Variants in TXNDC11 observed in about 807,000 individuals in gnomAD.
TXNDC11 encodes thioredoxin domain-containing protein 11.
A neutral mutation model predicts 78.0 loss-of-function variants in TXNDC11; 68 were observed. That is an observed-to-expected ratio of 0.87 (90% CI 0.72 to 1.07). The LOEUF (loss-of-function observed/expected upper bound fraction) is 1.07, where lower values mean the gene tolerates loss of function less well. Ranked by LOEUF, TXNDC11 falls within the 50% of genes least tolerant of loss-of-function variation. The probability of loss-of-function intolerance (pLI) is 0.00; values close to 1 mark genes in which losing one functional copy is unlikely to be tolerated. For missense variants in TXNDC11, 1,389 were observed against 1,221.8 expected (o/e 1.14, Z -2.04); for synonymous variants, 571 against 495.2 (o/e 1.15, Z -2.03).
chr16:11,683,823 C>G (rs1388458506), intron 11 of TXNDC11, among the ~76,000 whole-genome samples: 1 of 145,168 alleles, frequency 6.9e-6, no homozygotes, highest in Non-Finnish European at 1.5e-5. Context: ...GTGATCTTGG[C>G]TCACTGCAAC....
chr16:11,706,654 C>T (rs961129810), intron 5 of TXNDC11, among the ~76,000 whole-genome samples: 1 of 152,118 alleles, frequency 6.6e-6, no homozygotes, highest in Non-Finnish European at 1.5e-5. Context: ...CTTCCCACAC[C>T]CTCCCCAAGT....
intron 8 of TXNDC11, among the ~76,000 whole-genome samples, chr16:11,689,056 T>A (rs1301637836): frequency 6.6e-6 from 1 of 152,010 alleles, no homozygotes; most frequent in African/African-American, 2.4e-5. Context: ...AGTCCTTTGC[T>A]TCATCTGAAA....
intron 5 of TXNDC11, among the ~76,000 whole-genome samples, chr16:11,717,152 G>C (rs550702043): frequency 6.6e-6 from 1 of 151,134 alleles, no homozygotes; most frequent in African/African-American, 2.4e-5. Flanking sequence ...AAGGCCAGGC[G>C]CAGTGGCTTA....
rs536827668 is a variant in TXNDC11 at position 11,702,625 on chromosome 16, C to G, written c.794-2061G>C. Among the ~76,000 whole-genome samples, 379 of 152,258 alleles carry G rather than the reference C, an allele frequency of 2.5e-3. 5 individuals carry two copies. Among genetic ancestry groups the G allele is most frequent in the Non-Finnish European group, 3.3e-3 (226 of 68,012 alleles). On this transcript the variant is annotated intron_variant, in intron 5 of 11. Transcript: ENST00000283033. ...GCAGAGGTTGCCGCGAGCTGAGATC[C>G]CAAGATCGTGCCACTGCACTCTAGC...
At chr16:11,738,984 G>A (rs1000583731) in intron 1 of TXNDC11, among the ~76,000 whole-genome samples, 2 of 151,848 alleles carry the variant, frequency 1.3e-5, no homozygotes, top group East Asian at 1.9e-4. Context: ...CCAAGATCAC[G>A]CCATTGCACT....
chr16:11,709,207 T>C (rs544700512), intron 5 of TXNDC11, among the ~76,000 whole-genome samples: 4 of 151,946 alleles, frequency 2.6e-5, no homozygotes, highest in African/African-American at 9.6e-5. Flanking sequence ...AGATACATTG[T>C]GGTGTTTGCC....
At chr16:11,734,804 G>A (rs1248288369) in intron 2 of TXNDC11, among the ~76,000 whole-genome samples, 1 of 152,206 alleles carries the variant, frequency 6.6e-6, no homozygotes, top group Non-Finnish European at 1.5e-5. Flanking sequence ...GAACTCAGCT[G>A]CCTACACACG....
chr16:11,690,273 G>T (rs8059262), intron 8 of TXNDC11, among the ~76,000 whole-genome samples: 74,916 of 152,060 alleles, frequency 0.49, 18,902 homozygotes, highest in South Asian at 0.53. Context: ...AACAGGCCAG[G>T]GTGGGTCAGC....
chr16:11,722,016 G>A (rs1567337715), intron 4 of TXNDC11, among the ~76,000 whole-genome samples: 1 of 152,192 alleles, frequency 6.6e-6, no homozygotes, highest in Admixed American at 6.5e-5. Flanking sequence ...AACTTTATCA[G>A]TAAGTTATGT....
chr16:11,703,888 T>G lies in TXNDC11; in HGVS notation c.794-3324A>C, dbSNP rs1221471284. ...GGGTGGATCACCTGAGGTCATGAGT[T>G]TGAGACCAGCCTGGCCAACATAGTG... is the stretch of plus-strand genomic sequence containing the variant. On this transcript the variant is annotated intron_variant, in intron 5 of 11. Coordinates refer to ENST00000283033, the MANE Select transcript of TXNDC11 (RefSeq NM_015914.7). The G allele has an allele frequency of 7.3e-6, 4 of 548,410 alleles. No individual in the cohort carries two copies. In the African/African-American group the frequency reaches 7.6e-5, roughly 10 times the overall value. The allele number at this position is 548,410 out of a possible 1,614,324, so 34.0% of individuals were successfully genotyped here.
chr16:11,723,435 A>G (rs1285598662), intron 4 of TXNDC11, among the ~76,000 whole-genome samples: 1 of 152,054 alleles, frequency 6.6e-6, no homozygotes, highest in Non-Finnish European at 1.5e-5. Context: ...AAATAAAAAA[A>G]TTAGCCAGCC....
chr16:11,711,171 T>C (rs2051341986), intron 5 of TXNDC11, among the ~76,000 whole-genome samples: 1 of 152,022 alleles, frequency 6.6e-6, no homozygotes, highest in African/African-American at 2.4e-5. Flanking sequence ...GGAATCACCA[T>C]ATCATATCAC....
At chr16:11,734,752 G>C (rs75891258) in intron 2 of TXNDC11, among the ~76,000 whole-genome samples, 37 of 152,338 alleles carry the variant, frequency 2.4e-4, no homozygotes, top group Non-Finnish European at 4.7e-4. Context: ...AGGCTCCACA[G>C]TTTCTAAGAA....
At chr16:11,713,207 A>G (rs2051419124) in intron 5 of TXNDC11, among the ~76,000 whole-genome samples, 1 of 148,830 alleles carries the variant, frequency 6.7e-6, no homozygotes, top group African/African-American at 2.5e-5. Context: ...GGATCACCTG[A>G]GCCTGGGGAG....
intron 5 of TXNDC11, among the ~76,000 whole-genome samples, chr16:11,701,544 T>A (rs1238426667): frequency 6.6e-6 from 1 of 152,098 alleles, no homozygotes; most frequent in Admixed American, 6.6e-5. Context: ...GGTCAAAAAA[T>A]ATTTATTAAA....
Position 11,688,322 on chromosome 16 carries a change from T to A in TXNDC11, c.2024A>T (p.Glu675Val). The A allele has an allele frequency of 6.2e-7, 1 of 1,613,984 alleles. No homozygotes were observed. Among genetic ancestry groups the A allele is most frequent in the South Asian group, 1.1e-5 (1 of 91,070 alleles). The part of the protein sequence containing the change: ...ITEVTTDTFW[E>V]VVLQKQDVLL... ...CCATACCTGTTTTTGAAGGACTACT[T>A]CCCAAAAGGTATCAGTTGTCACTTC... is the stretch of plus-strand genomic sequence containing the variant. The change falls in exon 9 of 12, where the codon GAA (glutamate) becomes GTA (valine). Residue 675 changes from glutamate (E) to valine (V), a missense_variant. By Grantham distance (121) the Glu-to-Val change is moderately radical (BLOSUM62 -2). Transcript: ENST00000283033.
chr16:11,681,631 G>C (rs1175333352), intron 11 of TXNDC11, among the ~76,000 whole-genome samples: 1 of 152,130 alleles, frequency 6.6e-6, no homozygotes, highest in Non-Finnish European at 1.5e-5. Flanking sequence ...CTTCCCCTGG[G>C]ACACATCAGA....
At position 11,679,938 on chromosome 16, in the gene TXNDC11, A is replaced by G; in HGVS notation, c.2235-101T>C. The G allele has an allele frequency of 9.6e-7, 1 of 1,039,964 alleles. No individual in the cohort carries two copies. The highest frequency in any genetic ancestry group is 1.4e-6 in the Non-Finnish European group (1 of 709,830). The allele number at this position is 1,039,964 out of a possible 1,614,324, so 64.4% of individuals were successfully genotyped here. A position where few individuals can be genotyped will look rare whatever the true frequency, so the allele number is the denominator to read the frequency against. On this transcript the variant is annotated intron_variant, in intron 11 of 11. Transcript: ENST00000283033. The surrounding 1 kb of genome is among the most constrained non-coding windows in gnomAD (Gnocchi z 4.6). ...GCCAGGCCATCTACTTCTCACCAAG[A>G]AAAGACGTTCCGTGGATTTTACTTA... is the stretch of plus-strand genomic sequence containing the variant.
intron 4 of TXNDC11, among the ~76,000 whole-genome samples, chr16:11,729,055 G>C (rs1342081113): frequency 1.3e-5 from 2 of 152,218 alleles, no homozygotes; most frequent in African/African-American, 4.8e-5. Flanking sequence ...AAGCAGGTCT[G>C]TCTGACTCCT....
Sources: allele counts gnomAD v4.1 joint callset (sites outside exome capture counted in the v4.1 genomes callset), GRCh38; gene constraint gnomAD v4.1.1; non-coding constraint Gnocchi (gnomAD v3.1); transcripts MANE v1.5; gene names NCBI Gene and HGNC (gene_info 2026-07-23, HGNC 2026-07-21).